Variants in MTRF1 observed in about 807,000 individuals in gnomAD.
The protein encoded by MTRF1 is mitochondrial translation release factor 1.
A neutral mutation model predicts 62.9 loss-of-function variants in MTRF1; 51 were observed. The observed-to-expected ratio is 0.81, with a 90% CI of 0.65 to 1.02. The LOEUF is 1.02. Ranked by LOEUF, MTRF1 falls within the 50% of genes least tolerant of loss-of-function variation. MTRF1 has a pLI of 0.00. For missense variants in MTRF1, 446 were observed against 530.0 expected (o/e 0.84, Z 1.56); for synonymous variants, 158 against 181.9 (o/e 0.87, Z 1.06).
the MTRF1 span, among the ~76,000 whole-genome samples, chr13:41,306,958 G>T: frequency 1.3e-5 from 2 of 152,166 alleles, no homozygotes; most frequent in Admixed American, 1.3e-4. Flanking sequence ...CCCATTTTCT[G>T]TTGAAAGGTA....
intron 1 of MTRF1, among the ~76,000 whole-genome samples, chr13:41,263,091 G>C (rs1448675292): frequency 6.6e-6 from 1 of 152,168 alleles, no homozygotes; most frequent in African/African-American, 2.4e-5. Context: ...GCACGTTAGA[G>C]AAAGTGTATC....
the MTRF1 span, among the ~76,000 whole-genome samples, chr13:41,284,969 A>C: frequency 6.6e-6 from 1 of 152,144 alleles, no homozygotes; most frequent in African/African-American, 2.4e-5. Context: ...CAGGCTTTTA[A>C]GTTTACTCCC....
the MTRF1 span, among the ~76,000 whole-genome samples, chr13:41,272,015 C>T: frequency 6.6e-6 from 1 of 152,128 alleles, no homozygotes; most frequent in Non-Finnish European, 1.5e-5. Flanking sequence ...TGTGCTCAGC[C>T]ACCCCTAACT....
upstream of MTRF1, among the ~76,000 whole-genome samples, chr13:41,265,192 C>T (rs2040806104): frequency 6.6e-6 from 1 of 152,040 alleles, no homozygotes; most frequent in Non-Finnish European, 1.5e-5. Flanking sequence ...GGAGGCCGAG[C>T]CAGGTGGATC....
At chr13:41,248,076 G>A (rs2038517886) in intron 5 of MTRF1, among the ~76,000 whole-genome samples, 1 of 152,170 alleles carries the variant, frequency 6.6e-6, no homozygotes. Flanking sequence ...CGGAGGCTGG[G>A]GGAAAGTTCT....
At chr13:41,223,947 C>T (rs1288674702) in intron 8 of MTRF1, among the ~76,000 whole-genome samples, 2 of 152,184 alleles carry the variant, frequency 1.3e-5, no homozygotes, top group East Asian at 3.8e-4. Flanking sequence ...TGCTGCCCTG[C>T]TTACTCTTCC....
chr13:41,242,128 T>A (rs547194370), intron 5 of MTRF1, among the ~76,000 whole-genome samples: 7,140 of 151,004 alleles, frequency 0.047, 231 homozygotes, highest in Non-Finnish European at 0.077. Context: ...GATACCAACG[T>A]TTTTTTTTTG....
At chr13:41,284,026 G>T in the MTRF1 span, among the ~76,000 whole-genome samples, 2 of 138,854 alleles carry the variant, frequency 1.4e-5, no homozygotes, top group African/African-American at 5.0e-5. Context: ...CAGGTAAGAC[G>T]CAACCACATT....
the MTRF1 span, among the ~76,000 whole-genome samples, chr13:41,307,499 C>T: frequency 6.6e-6 from 1 of 152,158 alleles, no homozygotes; most frequent in South Asian, 2.1e-4. Flanking sequence ...CGGTGCATGC[C>T]TGTGGTCCCA....
the MTRF1 span, chr13:41,288,143 G>A: frequency 2.0e-6 from 1 of 509,856 alleles, no homozygotes; most frequent in Admixed American, 2.0e-5. Flanking sequence ...TTCTTGTCCA[G>A]ATGTATCCCA....
intron 5 of MTRF1, among the ~76,000 whole-genome samples, chr13:41,244,682 G>A (rs1346267817): frequency 3.3e-5 from 5 of 152,140 alleles, no homozygotes; most frequent in Non-Finnish European, 4.4e-5. Context: ...GAAACAGGTC[G>A]CTATGTTGGG....
chr13:41,290,089 CTTTTTTTT>C, the MTRF1 span, among the ~76,000 whole-genome samples: 16 of 78,514 alleles, frequency 2.0e-4, 1 homozygote, highest in Admixed American at 1.4e-3. Context: ...TGTAATAGTT[CTTTTTTTT>C]TTTTTTTTTT....
chr13:41,287,993 G>T, the MTRF1 span: 1 of 370,764 alleles, frequency 2.7e-6, no homozygotes, highest in Non-Finnish European at 5.4e-6. Flanking sequence ...CAAGAATGAT[G>T]GGAGTGTTGG....
At chr13:41,311,493 C>T in the MTRF1 span, 2 of 1,571,834 alleles carry the variant, frequency 1.3e-6, no homozygotes, top group Non-Finnish European at 1.7e-6. Flanking sequence ...GGCACCTAGC[C>T]TCCCTGCCGG....
chr13:41,291,045 G>A, the MTRF1 span, among the ~76,000 whole-genome samples: 2 of 151,188 alleles, frequency 1.3e-5, no homozygotes, highest in South Asian at 2.1e-4. Flanking sequence ...GCAGTGAGCC[G>A]AGATCACGCC....
At chr13:41,311,450 C>T in the MTRF1 span, 13 of 1,409,674 alleles carry the variant, frequency 9.2e-6, no homozygotes, top group African/African-American at 4.3e-5. Context: ...AGCGGTTCGT[C>T]CCGGTGCCCA....
intron 9 of MTRF1, among the ~76,000 whole-genome samples, chr13:41,218,954 A>T (rs1487361953): frequency 6.6e-6 from 1 of 152,244 alleles, no homozygotes; most frequent in African/African-American, 2.4e-5. Context: ...TTTAAAATTA[A>T]GGTTTATATC....
intron 9 of MTRF1, 100 bp downstream of exon 9, chr13:41,223,156 T>C: frequency 1.5e-6 from 1 of 674,576 alleles, no homozygotes; most frequent in Admixed American, 3.0e-5. Flanking sequence ...TACTTGGTAA[T>C]ATTTTAGATA....
intron 5 of MTRF1, among the ~76,000 whole-genome samples, chr13:41,243,048 G>A (rs2138988387): frequency 6.6e-6 from 1 of 152,084 alleles, no homozygotes; most frequent in African/African-American, 2.4e-5. Context: ...ATGAAACCAT[G>A]TCTCTACTAA....
Sources: allele counts gnomAD v4.1 joint callset (sites outside exome capture counted in the v4.1 genomes callset), GRCh38; gene constraint gnomAD v4.1.1; transcripts MANE v1.5; gene names NCBI Gene and HGNC (gene_info 2026-07-23, HGNC 2026-07-21).